LTBP2: variants seen among roughly 807,000 people sequenced by gnomAD.
LTBP2 encodes the protein latent-transforming growth factor beta-binding protein 2.
LTBP2 carries 103 observed loss-of-function variants against 210.6 expected under a neutral mutation model. That is an observed-to-expected ratio of 0.49 (90% CI 0.42 to 0.58). LTBP2 has a LOEUF of 0.58. Ranked by LOEUF, LTBP2 falls within the 20% of genes least tolerant of loss-of-function variation. The pLI is 0.00. For missense variants in LTBP2, 2,313 were observed against 2,494.5 expected, an observed-to-expected ratio of 0.93 and a Z score of 1.55; for synonymous variants, 1,007 against 1,015.0, an observed-to-expected ratio of 0.99 and a Z score of 0.15.
intron 3 of LTBP2, among the ~76,000 whole-genome samples, chr14:74,566,607 T>C (rs1049696573): frequency 6.6e-5 from 10 of 152,084 alleles, no homozygotes; most frequent in Admixed American, 2.6e-4. Context: ...GGACCTAAGA[T>C]AGGGAGACGA....
rs751654515 is a variant in LTBP2 at position 74,506,853 on chromosome 14, ATG to A, written c.3908-32_3908-31del. 121,579 of 1,560,534 alleles carry A rather than the reference ATG, an allele frequency of 0.078. 1,086 individuals are homozygous for A. Among genetic ancestry groups the A allele is most frequent in the Non-Finnish European group, 0.091 (103,932 of 1,146,638 alleles). ...GGGACAGTGGGAACCAGGATAGAGG[ATG>A]TGTGTGTGTGTGTGTGTGTGTGTGC... On this transcript the variant is annotated intron_variant, in intron 26 of 35. Transcript: ENST00000261978.
chr14:74,560,130 A>G (rs1197691911), intron 3 of LTBP2: 2 of 152,212 alleles, frequency 1.3e-5, no homozygotes, highest in African/African-American at 4.8e-5. Context: ...GGGGAACAAC[A>G]TAAAGTCGCT....
intron 3 of LTBP2, among the ~76,000 whole-genome samples, chr14:74,572,665 G>A (rs1258552648): frequency 1.3e-5 from 2 of 152,056 alleles, no homozygotes; most frequent in Non-Finnish European, 2.9e-5. Context: ...AGCTCAAAAG[G>A]AGAATTCACG....
chr14:74,505,625 T>C (rs2086972756), intron 28 of LTBP2, among the ~76,000 whole-genome samples: 1 of 149,582 alleles, frequency 6.7e-6, no homozygotes, highest in Non-Finnish European at 1.5e-5. Flanking sequence ...AGCTGAGTCC[T>C]AGTCCAGCCT....
At chr14:74,583,701 A>G (rs1199611082) in intron 3 of LTBP2, among the ~76,000 whole-genome samples, 1 of 152,218 alleles carries the variant, frequency 6.6e-6, no homozygotes, top group East Asian at 1.9e-4. Flanking sequence ...CCCTCTCCCC[A>G]TCACCTAGCC....
intron 3 of LTBP2, among the ~76,000 whole-genome samples, chr14:74,561,371 C>T (rs1262942278): frequency 6.6e-6 from 1 of 151,990 alleles, no homozygotes. Context: ...GAACATGAAG[C>T]CAGATATTTT....
Position 74,528,598 on chromosome 14 carries a change from C to A in LTBP2, c.2253G>T (p.Arg751Ser), listed in dbSNP as rs201582845. The change falls in exon 12 of 36, where the codon AGG (arginine) becomes AGT (serine). Residue 751 changes from arginine to serine, a missense_variant. Arg to Ser is a moderately radical substitution (Grantham distance 110). This residue lies in a region of LTBP2 where 1,867 missense variants were observed against 1,976.9 expected (regional missense o/e 0.94). Transcript: ENST00000261978. ...TCCTCTGCCCTTGCTCCCTTGGGGG[C>A]CTTGCCAGTTCCTCCTCCTCGGCTT... ...MRKAEEEELARPPREQGQRSS... is the reference protein window; with the variant it reads ...MRKAEEEELASPPREQGQRSS... 1.4e-5 allele frequency: 23 copies of A among 1,613,582 alleles called. No homozygotes were observed. In the Admixed American group the frequency reaches 3.7e-4, roughly 26 times the overall value.
chr14:74,515,252 A>ATTT (rs575476350), intron 18 of LTBP2, among the ~76,000 whole-genome samples: 47 of 125,472 alleles, frequency 3.7e-4, no homozygotes, highest in African/African-American at 1.4e-3. Flanking sequence ...TATAAATCTG[A>ATTT]TTTTTTTTTT....
intron 15 of LTBP2, among the ~76,000 whole-genome samples, chr14:74,523,137 T>C (rs1253771091): frequency 1.3e-5 from 2 of 151,968 alleles, no homozygotes; most frequent in Non-Finnish European, 2.9e-5. Flanking sequence ...GAGGTCATAG[T>C]AGGGCATCCC....
chr14:74,543,503 AGCCT>A (rs67321882), intron 8 of LTBP2, among the ~76,000 whole-genome samples: 83,027 of 125,340 alleles, frequency 0.66, 24,697 homozygotes, highest in Middle Eastern at 0.73. Flanking sequence ...AACCCTATAG[AGCCT>A]GCCTGCCTGC....
At chr14:74,504,676 G>A (rs1595238486) in intron 30 of LTBP2, 102 bp downstream of exon 30, 14 of 1,141,816 alleles carry the variant, frequency 1.2e-5, no homozygotes, top group Admixed American at 8.5e-5. Flanking sequence ...GGCAACCTGC[G>A]AGGCCAGGGC....
intron 8 of LTBP2, among the ~76,000 whole-genome samples, chr14:74,540,783 T>TA (rs1555350174): frequency 1.3e-4 from 3 of 23,894 alleles, no homozygotes; most frequent in Non-Finnish European, 1.0e-3. Context: ...TATATATATA[T>TA]TATATATATA....
intron 17 of LTBP2, among the ~76,000 whole-genome samples, chr14:74,520,718 G>A (rs1056890215): frequency 2.0e-5 from 3 of 152,122 alleles, no homozygotes; most frequent in Admixed American, 6.5e-5. Flanking sequence ...GGAGAATGGC[G>A]TGAACCCAGG....
At chr14:74,545,978 A>G (rs2087570711) in intron 8 of LTBP2, among the ~76,000 whole-genome samples, 1 of 152,222 alleles carries the variant, frequency 6.6e-6, no homozygotes, top group African/African-American at 2.4e-5. Flanking sequence ...TATGCCATGC[A>G]ATTAAGACTT....
chr14:74,513,657 G>T (rs2087099350), intron 18 of LTBP2, among the ~76,000 whole-genome samples: 1 of 152,152 alleles, frequency 6.6e-6, no homozygotes. Context: ...ACAAAAATTA[G>T]CCGGGTGTGG....
At chr14:74,584,528 C>T (rs1299699678) in intron 3 of LTBP2, among the ~76,000 whole-genome samples, 5 of 152,234 alleles carry the variant, frequency 3.3e-5, no homozygotes, top group East Asian at 3.9e-4. Flanking sequence ...CAGCCAGGAC[C>T]GATCAGAACA....
At chr14:74,526,582 A>C (rs1020265513) in intron 13 of LTBP2, among the ~76,000 whole-genome samples, 1 of 152,236 alleles carries the variant, frequency 6.6e-6, no homozygotes, top group African/African-American at 2.4e-5. Flanking sequence ...ATGTAACAGC[A>C]GAAGAGTGGG....
intron 8 of LTBP2, among the ~76,000 whole-genome samples, 181 bp downstream of exon 8, chr14:74,549,669 TGCACCAGCAGAGG>T (rs2087623895): frequency 6.6e-6 from 1 of 152,212 alleles, no homozygotes; most frequent in Non-Finnish European, 1.5e-5. Context: ...CAGGACAGAC[TGCACCAGCAGAGG>T]GCTGCCAGGA....
rs556284173 is a variant in LTBP2, at chr14:74,499,619, G to A, written c.*1265C>T. The A allele has an allele frequency of 4.4e-6, 1 of 227,730 alleles. No homozygotes were observed. The highest frequency in any genetic ancestry group is 1.8e-4 in the South Asian group (1 of 5,482). 14.1% of individuals were successfully genotyped at this position (227,730 alleles called of 1,614,324 possible). A position where few individuals can be genotyped will look rare whatever the true frequency, so the allele number is the denominator to read the frequency against. Reference sequence around the variant, plus strand: ...TTTCCTTGTCTTTTAATAGTAAAGAGTCATTTCCCATTGGAACCCATCATA... The same window carrying A: ...TTTCCTTGTCTTTTAATAGTAAAGAATCATTTCCCATTGGAACCCATCATA... On this transcript the variant is annotated 3_prime_UTR_variant, in exon 36 of 36. Coordinates refer to ENST00000261978, the MANE Select transcript of LTBP2 (RefSeq NM_000428.3).
Sources: allele counts gnomAD v4.1 joint callset (sites outside exome capture counted in the v4.1 genomes callset), GRCh38; gene constraint gnomAD v4.1.1; regional missense constraint gnomAD v4.1.1; transcripts MANE v1.5; gene names NCBI Gene and HGNC (gene_info 2026-07-23, HGNC 2026-07-21).